ZNF716: variants seen among roughly 807,000 people sequenced by gnomAD.
The protein encoded by ZNF716 is zinc finger protein 716.
In ZNF716, 9 loss-of-function variants were observed where a neutral mutation model predicts 13.4. The observed-to-expected ratio is 0.67, with a 90% confidence interval of 0.41 to 1.18. ZNF716 has a LOEUF of 1.18. Among genes scored for constraint, ZNF716 ranks in the 50% most tolerant of loss-of-function variants. The probability of loss-of-function intolerance (pLI) is 0.01; values close to 1 mark genes in which losing one functional copy is unlikely to be tolerated. For missense variants in ZNF716, 581 were observed against 576.6 expected (o/e 1.01, Z -0.08); for synonymous variants, 186 against 195.2 (o/e 0.95, Z 0.39).
intron 1 of ZNF716, among the ~76,000 whole-genome samples, chr7:57,454,885 G>C (rs1789559494): frequency 6.6e-6 from 1 of 152,014 alleles, no homozygotes; most frequent in South Asian, 2.1e-4. Context: ...CATTAGCCAG[G>C]CGTGGTGGCA....
At chr7:57,452,272 T>C (rs2116401935) in intron 1 of ZNF716, among the ~76,000 whole-genome samples, 1 of 152,244 alleles carries the variant, frequency 6.6e-6, no homozygotes, top group South Asian at 2.1e-4. Context: ...AAGCATTGGA[T>C]GGCACTTTAA....
Position 57,469,179 on chromosome 7 carries a change from C to A in ZNF716, c.718C>A (p.Pro240Thr). The stretch of plus-strand genomic sequence containing the variant: ...TAAAAGAATTCATACTGGAGAGAAA[C>A]CCTACAGATGTGAGGAATGTGGCAA... ...RHKRIHTGEKPYRCEECGKAF... is the reference protein window; with the variant it reads ...RHKRIHTGEKTYRCEECGKAF... Residue 240 changes from proline (P) to threonine (T), a missense_variant, in exon 4 of 4, where the codon CCC becomes ACC. Coordinates refer to ENST00000420713, the MANE Select transcript of ZNF716 (RefSeq NM_001159279.1). 6.2e-7 allele frequency: 1 copy of A among 1,612,590 alleles called. No homozygotes were observed. The highest frequency in any genetic ancestry group is 2.2e-5 in the East Asian group (1 of 44,740).
chr7:57,460,036 G>A (rs1343044895), intron 1 of ZNF716, among the ~76,000 whole-genome samples: 1 of 151,976 alleles, frequency 6.6e-6, no homozygotes, highest in Non-Finnish European at 1.5e-5. Flanking sequence ...GCATTTCAGG[G>A]AAAGAGGAGG....
chr7:57,464,122 C>CTTTTTTTTTTTT, intron 3 of ZNF716, among the ~76,000 whole-genome samples: 1 of 125,842 alleles, frequency 7.9e-6, no homozygotes, highest in Non-Finnish European at 1.6e-5. Flanking sequence ...TTTCTTTTTT[C>CTTTTTTTTTTTT]TTTTTTTTTT....
intron 1 of ZNF716, among the ~76,000 whole-genome samples, chr7:57,451,440 G>GTT (rs1554321537): frequency 8.7e-6 from 1 of 115,138 alleles, no homozygotes; most frequent in African/African-American, 3.6e-5. Flanking sequence ...TTTTCCCTTG[G>GTT]ATTTTTTTTT....
chr7:57,464,426 G>A lies in ZNF716; in HGVS notation c.262+1258G>A, dbSNP rs553879465. On this transcript the variant is annotated intron_variant, in intron 3 of 3. Transcript: ENST00000420713. ...GTGAGCCACTGCACCCGGCTCACTT[G>A]TCCATTTCTAAATCATGTAATTCAA... is the stretch of plus-strand genomic sequence containing the variant. 3.9e-5 allele frequency among the ~76,000 whole-genome samples: 6 copies of A among 151,984 alleles called. No individual in the cohort carries two copies. The South Asian group carries it at 1.2e-3, about 32-fold the overall frequency.
At chr7:57,463,944 A>C (rs1198632523) in intron 3 of ZNF716, among the ~76,000 whole-genome samples, 2 of 151,872 alleles carry the variant, frequency 1.3e-5, no homozygotes, top group African/African-American at 2.4e-5. Flanking sequence ...GTTTTTAAAA[A>C]ATTTATAGTG....
In ZNF716 at chr7:57,468,985, A is replaced by G. The variant is rs1789865447; in HGVS notation, c.524A>G (p.His175Arg). 2 of 1,607,902 alleles carry G rather than the reference A, an allele frequency of 1.2e-6. No individual in the cohort carries two copies. Among genetic ancestry groups the G allele is most frequent in the African/African-American group, 1.3e-5 (1 of 74,852 alleles). The change falls in exon 4 of 4, where the codon CAC (histidine) becomes CGC (arginine). Residue 175 changes from histidine (H) to arginine (R), a missense_variant. Transcript: ENST00000420713. ...GGTAAATTTTCAAATTCCAATAGACACAAGACAAGACATACTGGAAAGAAA... is the reference window on the plus strand; with the variant it reads ...GGTAAATTTTCAAATTCCAATAGACGCAAGACAAGACATACTGGAAAGAAA... ...VFGKFSNSNR[H>R]KTRHTGKKHF...
At chr7:57,463,646 C>G (rs1160821852) in intron 3 of ZNF716, among the ~76,000 whole-genome samples, 1 of 149,758 alleles carries the variant, frequency 6.7e-6, no homozygotes, top group Non-Finnish European at 1.5e-5. Flanking sequence ...ATTTTTTTTA[C>G]AATTTTTTTA....
chr7:57,460,952 T>G (rs1231326943), intron 1 of ZNF716, among the ~76,000 whole-genome samples: 54 of 144,934 alleles, frequency 3.7e-4, no homozygotes, highest in Non-Finnish European at 3.3e-4. Flanking sequence ...ATCTTCAACT[T>G]TGCAGAAAAC....
chr7:57,464,705 G>A (rs1172833330), intron 3 of ZNF716, among the ~76,000 whole-genome samples: 4 of 132,380 alleles, frequency 3.0e-5, no homozygotes, highest in Non-Finnish European at 6.7e-5. Context: ...TTTTCTAAGA[G>A]TTTCGTTACT....
intron 1 of ZNF716, among the ~76,000 whole-genome samples, chr7:57,451,026 ATT>A (rs35781963): frequency 2.3e-3 from 344 of 147,010 alleles, no homozygotes; most frequent in Middle Eastern, 7.1e-3. Flanking sequence ...CAAGAAATGC[ATT>A]TTTTTTTTTT....
Position 57,471,564 on chromosome 7 carries a change from G to T in ZNF716, c.*1615G>T, listed in dbSNP as rs1789938285. 1 of 152,014 alleles carries T rather than the reference G, an allele frequency of 6.6e-6. No individual in the cohort carries two copies. Among genetic ancestry groups the T allele is most frequent in the African/African-American group, 2.4e-5 (1 of 41,370 alleles). 9.4% of individuals were successfully genotyped at this position (152,014 alleles called of 1,614,324 possible). A position where few individuals can be genotyped will look rare whatever the true frequency, so the allele number is the denominator to read the frequency against. On this transcript the variant is annotated 3_prime_UTR_variant, in exon 4 of 4. Coordinates refer to ENST00000420713, the MANE Select transcript of ZNF716 (RefSeq NM_001159279.1). ...CTTTATTTGTATTACGGATTTTATT[G>T]TACACATTTTATATCAAAGGAAAAC...
In ZNF716 at chr7:57,464,209, C is replaced by T. The variant is rs1789764218; in HGVS notation, c.262+1041C>T. Among the ~76,000 whole-genome samples, 5 of 150,162 alleles carry T rather than the reference C, an allele frequency of 3.3e-5. No individual in the cohort carries two copies. The Admixed American group carries it at 3.3e-4, about 10-fold the overall frequency. ...CAATTTTGGCTCATGGCAACCCCTG[C>T]CTCCCACATCCAAATGATTCGCCTG... On this transcript the variant is annotated intron_variant, in intron 3 of 3. Coordinates refer to ENST00000420713, the MANE Select transcript of ZNF716 (RefSeq NM_001159279.1).
Position 57,469,282 on chromosome 7 carries a change from G to T in ZNF716, c.821G>T (p.Arg274Leu), listed in dbSNP as rs782303620. The change falls in exon 4 of 4, where the codon CGT (arginine) becomes CTT (leucine). Residue 274 changes from arginine to leucine, a missense_variant. Arg to Leu is a moderately radical substitution (Grantham distance 102). Transcript: ENST00000420713. ...GAGAAACCTTACACATGTGAAGAAC[G>T]TGGCAAAGTCTTTAGCCGCTCAACA... Reference protein sequence around the residue: ...TGEKPYTCEERGKVFSRSTLT... With the variant: ...TGEKPYTCEELGKVFSRSTLT... 6.3e-7 allele frequency: 1 copy of T among 1,588,432 alleles called. No individual in the cohort carries two copies. Among genetic ancestry groups the T allele is most frequent in the Non-Finnish European group, 8.6e-7 (1 of 1,165,064 alleles).
chr7:57,465,301 TC>T, intron 3 of ZNF716, among the ~76,000 whole-genome samples: 1 of 152,190 alleles, frequency 6.6e-6, no homozygotes, highest in East Asian at 1.9e-4. Context: ...ATACTTTTTT[TC>T]TTTTTATTCA....
At chr7:57,459,841 T>C (rs1789675183) in intron 1 of ZNF716, among the ~76,000 whole-genome samples, 2 of 152,116 alleles carry the variant, frequency 1.3e-5, no homozygotes, top group South Asian at 4.1e-4. Context: ...TGGAGAAGCT[T>C]GTTCTTCTCT....
rs1554325337 is a variant in ZNF716 at position 57,471,811 on chromosome 7, G to A, written c.*1862G>A. ...GATTCACAGTAGAAAGAATGAAGGT[G>A]CTGAAACTTCAGACATTACACTAAA... On this transcript the variant is annotated 3_prime_UTR_variant, in exon 4 of 4. Transcript: ENST00000420713. 7.6e-6 allele frequency: 1 copy of A among 132,096 alleles called. No individual in the cohort carries two copies. Among genetic ancestry groups the A allele is most frequent in the East Asian group, 2.1e-4 (1 of 4,730 alleles). 8.2% of individuals were successfully genotyped at this position (132,096 alleles called of 1,614,324 possible).
At chr7:57,454,625 A>G (rs1434615873) in intron 1 of ZNF716, among the ~76,000 whole-genome samples, 3 of 152,240 alleles carry the variant, frequency 2.0e-5, no homozygotes, top group African/African-American at 7.2e-5. Context: ...AGTTAGGGTT[A>G]GAATGGATGG....
Sources: gnomAD v4.1 joint callset for allele counts (sites outside exome capture counted in the v4.1 genomes callset) on GRCh38, gnomAD v4.1.1 for gene constraint, MANE v1.5 for transcripts, NCBI Gene and HGNC (gene_info 2026-07-23, HGNC 2026-07-21) for gene names.